Variants in RAPGEF5 observed in about 807,000 individuals in gnomAD.
RAPGEF5 encodes Rap guanine nucleotide exchange factor 5, also known as M-Ras-regulated GEF.
A neutral mutation model predicts 125.2 loss-of-function variants in RAPGEF5; 65 were observed. The observed-to-expected ratio is 0.52, with a 90% confidence interval of 0.43 to 0.64. RAPGEF5 has a LOEUF of 0.64. RAPGEF5 is among the 30% of genes least tolerant of loss of function. RAPGEF5 has a pLI of 0.00. For synonymous variants in RAPGEF5, 391 were observed against 385.9 expected (o/e 1.01, Z -0.16); for missense variants, 958 against 1,048.1 (o/e 0.91, Z 1.19).
At chr7:22,314,668 G>A in intron 3 of RAPGEF5, 1 of 970,174 alleles carries the variant, frequency 1.0e-6, no homozygotes, top group Non-Finnish European at 1.2e-6. Context: ...AAATGGTAGT[G>A]GTTTTTCTTT....
chr7:22,274,854 T>C (rs1782520509), intron 6 of RAPGEF5, among the ~76,000 whole-genome samples: 3 of 152,190 alleles, frequency 2.0e-5, no homozygotes, highest in Admixed American at 2.0e-4. Context: ...TTTTATAATA[T>C]TATATCTTTT....
At chr7:22,239,638 T>C (rs1202671256) in intron 7 of RAPGEF5, among the ~76,000 whole-genome samples, 1 of 152,198 alleles carries the variant, frequency 6.6e-6, no homozygotes, top group Non-Finnish European at 1.5e-5. Context: ...ATCTTTTTTT[T>C]TTTAATAGCT....
intron 7 of RAPGEF5, among the ~76,000 whole-genome samples, chr7:22,252,368 G>A (rs986855883): frequency 6.6e-6 from 1 of 152,190 alleles, no homozygotes; most frequent in African/African-American, 2.4e-5. Context: ...TGTCTACTAA[G>A]TGTTACACAG....
At chr7:22,224,141 G>C (rs980031781) in intron 8 of RAPGEF5, among the ~76,000 whole-genome samples, 28 of 152,140 alleles carry the variant, frequency 1.8e-4, no homozygotes, top group African/African-American at 6.5e-4. Flanking sequence ...ATTACTAAAG[G>C]CCCACTTGAT....
At chr7:22,158,009 C>T (rs1055284167) in intron 14 of RAPGEF5, 124 bp from the exon 15 acceptor site, 6 of 843,276 alleles carry the variant, frequency 7.1e-6, no homozygotes, top group Non-Finnish European at 1.1e-5. Flanking sequence ...AAATAAAACA[C>T]AGTATTCATT....
intron 8 of RAPGEF5, among the ~76,000 whole-genome samples, chr7:22,220,590 AAAAG>A (rs202099383): frequency 2.0e-5 from 3 of 152,316 alleles, no homozygotes; most frequent in East Asian, 3.9e-4. Context: ...AGACACTGGA[AAAAG>A]AAAGCTTGAA....
In RAPGEF5 at chr7:22,190,137, G is replaced by T. The variant is rs140272918; in HGVS notation, c.1204+3230C>A. ...CCTACCAAAAATACAAAAATTAGCC[G>T]GGCGTGGTGGTGGGCCCCTGTAATC... On this transcript the variant is annotated intron_variant, in intron 11 of 25. Coordinates refer to ENST00000665637, the MANE Select transcript of RAPGEF5 (RefSeq NM_012294.5). Among the ~76,000 whole-genome samples, 1,097 of 152,202 alleles carry T rather than the reference G, an allele frequency of 7.2e-3. 3 individuals carry two copies. The highest frequency in any genetic ancestry group is 0.015 in the Admixed American group (236 of 15,292).
chr7:22,213,975 A>T (rs1785570342), intron 9 of RAPGEF5, among the ~76,000 whole-genome samples: 1 of 152,220 alleles, frequency 6.6e-6, no homozygotes, highest in Non-Finnish European at 1.5e-5. Context: ...TAACTGCTTA[A>T]AAAGAGACAA....
intron 9 of RAPGEF5, among the ~76,000 whole-genome samples, chr7:22,210,028 A>C (rs1385166117): frequency 6.6e-6 from 1 of 152,212 alleles, no homozygotes; most frequent in Non-Finnish European, 1.5e-5. Context: ...TTTTTAGAGG[A>C]AACTGCTTAT....
At chr7:22,317,136 A>G (rs1407757757) in intron 2 of RAPGEF5, among the ~76,000 whole-genome samples, 1 of 152,134 alleles carries the variant, frequency 6.6e-6, no homozygotes, top group Admixed American at 6.6e-5. Flanking sequence ...CAAGTGTCAG[A>G]TCTATTCCTG....
At chr7:22,211,081 TTC>T (rs1465519719) in intron 9 of RAPGEF5, among the ~76,000 whole-genome samples, 4 of 152,076 alleles carry the variant, frequency 2.6e-5, no homozygotes, top group Admixed American at 2.6e-4. Flanking sequence ...GTCTGTTATG[TTC>T]TGTTATGATA....
intron 7 of RAPGEF5, among the ~76,000 whole-genome samples, chr7:22,246,123 A>C (rs1486971436): frequency 6.6e-6 from 1 of 152,182 alleles, no homozygotes; most frequent in Admixed American, 6.5e-5. Flanking sequence ...GATTGGAAGA[A>C]TGAATATCGT....
intron 5 of RAPGEF5, among the ~76,000 whole-genome samples, chr7:22,302,231 G>A (rs1353782604): frequency 1.3e-5 from 2 of 152,294 alleles, no homozygotes; most frequent in African/African-American, 2.4e-5. Flanking sequence ...GCCAAGTGGC[G>A]ACAGGCAGCA....
chr7:22,290,497 G>A (rs751229631), intron 6 of RAPGEF5, among the ~76,000 whole-genome samples: 4 of 152,192 alleles, frequency 2.6e-5, no homozygotes, highest in Non-Finnish European at 5.9e-5. Context: ...TGTAATCCCA[G>A]CACTTTGGGA....
intron 1 of RAPGEF5, among the ~76,000 whole-genome samples, chr7:22,328,996 C>T (rs1473524180): frequency 1.3e-5 from 2 of 152,180 alleles, no homozygotes. Flanking sequence ...TATTCAGGTT[C>T]CAATTTACGT....
In RAPGEF5 at chr7:22,167,164, A is replaced by T; in HGVS notation, c.1205-16T>A. The T allele has an allele frequency of 6.3e-7, 1 of 1,597,498 alleles. No homozygotes were observed. Among genetic ancestry groups the T allele is most frequent in the Admixed American group, 1.7e-5 (1 of 59,544 alleles). On this transcript the variant is annotated splice_polypyrimidine_tract_variant and intron_variant, in intron 11 of 25. Transcript: ENST00000665637. ...AGGAGGGTCTCTGCAAAGAAAAAAA[A>T]AACAAACACAAGGTAAGCAAAGAGG...
At chr7:22,228,499 T>C (rs968360800) in intron 8 of RAPGEF5, among the ~76,000 whole-genome samples, 2 of 151,706 alleles carry the variant, frequency 1.3e-5, no homozygotes, top group African/African-American at 4.8e-5. Flanking sequence ...GCCCAAAGGT[T>C]TTTTGTTTTG....
chr7:22,230,978 A>AGT (rs1325705316), intron 7 of RAPGEF5, 59 bp from the exon 8 acceptor site: 12 of 1,475,014 alleles, frequency 8.1e-6, no homozygotes, highest in Admixed American at 2.0e-5. Context: ...GCTTCAGATA[A>AGT]TTTTCTTTCA....
At chr7:22,341,307 A>G (rs1026440275) in intron 1 of RAPGEF5, among the ~76,000 whole-genome samples, 5 of 152,186 alleles carry the variant, frequency 3.3e-5, no homozygotes, top group South Asian at 2.1e-4. Flanking sequence ...AGCACAGGAA[A>G]GATCTGCCCT....
Sources: gnomAD v4.1 joint callset for allele counts (sites outside exome capture counted in the v4.1 genomes callset) on GRCh38, gnomAD v4.1.1 for gene constraint, MANE v1.5 for transcripts, NCBI Gene and HGNC (gene_info 2026-07-23, HGNC 2026-07-21) for gene names.